The following GPHN variants were observed in gnomAD, a reference collection of about 807,000 sequenced individuals.
GPHN encodes the protein gephyrin.
A neutral mutation model predicts 95.5 loss-of-function variants in GPHN; 17 were observed. That is an observed-to-expected ratio of 0.18 (90% confidence interval 0.12 to 0.27). The LOEUF is 0.27. GPHN is among the 10% of genes least tolerant of loss of function. The pLI, the probability that GPHN is intolerant of heterozygous loss-of-function variation, is 1.00. For missense variants in GPHN, 660 were observed against 978.1 expected, an observed-to-expected ratio of 0.67 and a Z score of 4.34; for synonymous variants, 320 against 322.5, an observed-to-expected ratio of 0.99 and a Z score of 0.08.
intron 8 of GPHN, among the ~76,000 whole-genome samples, chr14:66,944,195 G>A (rs961882443): frequency 2.0e-5 from 3 of 152,310 alleles, no homozygotes; most frequent in East Asian, 1.9e-4. Context: ...GCGATGCCAA[G>A]TGGCCAATAT....
At position 66,852,888 on chromosome 14, in the gene GPHN, T is replaced by G. The variant is rs375861709; in HGVS notation, c.295-27051T>G. On this transcript the variant is annotated intron_variant, in intron 4 of 22. Coordinates refer to ENST00000478722, the MANE Select transcript of GPHN (RefSeq NM_020806.5). ...CTTTTTAAAATTATGGTCAATTCTG[T>G]AAGATTTTTAGATGAATTTGTATCT... Among the ~76,000 whole-genome samples, 131 of 152,362 alleles carry G rather than the reference T, an allele frequency of 8.6e-4. 4 individuals are homozygous for G. In the South Asian group the frequency reaches 0.027, roughly 31 times the overall value.
chr14:67,086,986 C>T (rs1189946544), intron 11 of GPHN, among the ~76,000 whole-genome samples: 6 of 144,352 alleles, frequency 4.2e-5, no homozygotes, highest in African/African-American at 1.1e-4. Context: ...TGCAGTGAGC[C>T]GAGATCCCAC....
intron 8 of GPHN, among the ~76,000 whole-genome samples, chr14:66,952,564 A>T (rs2068173210): frequency 6.6e-6 from 1 of 152,240 alleles, no homozygotes; most frequent in Non-Finnish European, 1.5e-5. Context: ...AATTTGTTGT[A>T]ATATGATAAT....
At chr14:67,480,653 G>A in the GPHN span, among the ~76,000 whole-genome samples, 5 of 152,254 alleles carry the variant, frequency 3.3e-5, no homozygotes, top group Admixed American at 3.3e-4. Context: ...CAGGCCCCAT[G>A]ACCTGCACGT....
chr14:67,706,405 G>T, the GPHN span, among the ~76,000 whole-genome samples: 7 of 152,144 alleles, frequency 4.6e-5, no homozygotes, highest in Non-Finnish European at 1.0e-4. Context: ...CCTTCGGAGG[G>T]CCTGACAACA....
chr14:67,569,308 C>T, the GPHN span: 1 of 901,348 alleles, frequency 1.1e-6, no homozygotes, highest in Non-Finnish European at 1.8e-6. Flanking sequence ...ACACCCAGGG[C>T]CAGGGTTGGC....
At chr14:66,896,597 G>A (rs1193444865) in intron 5 of GPHN, among the ~76,000 whole-genome samples, 1 of 152,060 alleles carries the variant, frequency 6.6e-6, no homozygotes, top group Non-Finnish European at 1.5e-5. Context: ...GGTACAGAGT[G>A]AGACCCTCTC....
chr14:67,023,308 C>T (rs1302128824), intron 9 of GPHN, among the ~76,000 whole-genome samples: 1 of 151,912 alleles, frequency 6.6e-6, no homozygotes, highest in East Asian at 1.9e-4. Context: ...CTATTAAGGG[C>T]CAATATTTAC....
intron 1 of GPHN, among the ~76,000 whole-genome samples, chr14:66,513,259 A>G (rs1319920279): frequency 1.3e-5 from 2 of 151,834 alleles, no homozygotes; most frequent in Admixed American, 1.3e-4. Context: ...AAGTGAATAT[A>G]CTTAATACTA....
chr14:67,257,638 AC>A, the GPHN span, among the ~76,000 whole-genome samples: 1 of 152,178 alleles, frequency 6.6e-6, no homozygotes, highest in Non-Finnish European at 1.5e-5. Flanking sequence ...CATAGAACAT[AC>A]ACACGTATTT....
At chr14:66,810,790 T>A (rs1468960965) in intron 3 of GPHN, among the ~76,000 whole-genome samples, 1 of 152,144 alleles carries the variant, frequency 6.6e-6, no homozygotes, top group Admixed American at 6.5e-5. Context: ...TTCCTTTCAT[T>A]CTTCTAATGG....
intron 12 of GPHN, among the ~76,000 whole-genome samples, chr14:67,095,895 A>G (rs554370332): frequency 4.7e-5 from 7 of 149,022 alleles, no homozygotes; most frequent in African/African-American, 1.5e-4. Flanking sequence ...TAACCGGCAC[A>G]TTGTGCACAT....
At chr14:67,042,512 C>A (rs1336727180) in intron 10 of GPHN, among the ~76,000 whole-genome samples, 19 of 152,154 alleles carry the variant, frequency 1.2e-4, no homozygotes, top group Non-Finnish European at 2.8e-4. Context: ...TTGTGTGTGT[C>A]AGGTTTGTCA....
chr14:67,030,969 A>C (rs768404885), intron 10 of GPHN, among the ~76,000 whole-genome samples: 1 of 151,490 alleles, frequency 6.6e-6, no homozygotes, highest in Non-Finnish European at 1.5e-5. Flanking sequence ...ATTAGCAAAA[A>C]CTCTAATATA....
the GPHN span, chr14:67,663,174 A>G: frequency 6.5e-7 from 1 of 1,532,128 alleles, no homozygotes; most frequent in African/African-American, 1.4e-5. Context: ...TTAATACCTA[A>G]AAATTACTAA....
chr14:66,689,779 C>A (rs1192275825), intron 2 of GPHN, among the ~76,000 whole-genome samples: 1 of 151,880 alleles, frequency 6.6e-6, no homozygotes, highest in Non-Finnish European at 1.5e-5. Context: ...TGTTTGTGTC[C>A]AGGACCATTT....
chr14:66,716,977 T>G (rs2070240164), intron 2 of GPHN, among the ~76,000 whole-genome samples: 1 of 152,218 alleles, frequency 6.6e-6, no homozygotes, highest in South Asian at 2.1e-4. Flanking sequence ...GCTAACCTGG[T>G]GACAATATGC....
the GPHN span, among the ~76,000 whole-genome samples, chr14:67,517,125 G>A: frequency 2.6e-5 from 4 of 152,306 alleles, no homozygotes; most frequent in Non-Finnish European, 2.9e-5. Flanking sequence ...TGTCAGAGAC[G>A]CAGGAGACAG....
At chr14:67,725,312 C>T in the GPHN span, 3 of 1,548,902 alleles carry the variant, frequency 1.9e-6, no homozygotes, top group Admixed American at 5.1e-5. Flanking sequence ...GTGGCTGCTC[C>T]ACCCTAGACC....
Sources: allele counts gnomAD v4.1 joint callset (sites outside exome capture counted in the v4.1 genomes callset), GRCh38; gene constraint gnomAD v4.1.1; transcripts MANE v1.5; gene names NCBI Gene and HGNC (gene_info 2026-07-23, HGNC 2026-07-21).